SRBD1: variants seen among roughly 807,000 people sequenced by gnomAD.
SRBD1 encodes S1 RNA binding domain 1.
A neutral mutation model predicts 115.3 loss-of-function variants in SRBD1; 88 were observed. The ratio of observed to expected loss-of-function variants is 0.76; its 90% CI spans 0.64 to 0.91. SRBD1 has a LOEUF of 0.91. Ranked by LOEUF, SRBD1 falls within the 40% of genes least tolerant of loss-of-function variation. SRBD1 has a pLI of 0.00. For synonymous variants in SRBD1, 509 were observed against 407.7 expected (o/e 1.25, Z -2.99); for missense variants, 1,385 against 1,177.4 (o/e 1.18, Z -2.58).
At chr2:45,450,787 T>C (rs1423176958) in intron 16 of SRBD1, among the ~76,000 whole-genome samples, 3 of 152,128 alleles carry the variant, frequency 2.0e-5, no homozygotes, top group Non-Finnish European at 4.4e-5. Context: ...CAGGGTTCTA[T>C]TTAGTTTGGA....
In SRBD1 at chr2:45,601,930, T is replaced by C; in HGVS notation, c.234A>G (p.Ser78=). The change falls in exon 3 of 21, where the codon TCA becomes TCG. Residue 78 remains serine, a synonymous_variant. Transcript: ENST00000263736. ...GCTCCTCCTTAACAACAACGACTTC[T>C]GAGCCATCACTGATCTGTGGGGCAT... ...KKNAPQISDG[S]EVVVVKEELN... 1.9e-6 allele frequency: 3 copies of C among 1,614,194 alleles called. No homozygotes were observed. Among genetic ancestry groups the C allele is most frequent in the Non-Finnish European group, 2.5e-6 (3 of 1,180,020 alleles).
intron 14 of SRBD1, among the ~76,000 whole-genome samples, chr2:45,529,215 T>C (rs1251040379): frequency 1.3e-5 from 2 of 151,864 alleles, no homozygotes; most frequent in Non-Finnish European, 2.9e-5. Context: ...TGGAGACAAA[T>C]ATCCCCCAAG....
chr2:45,392,036 C>A (rs945806435), intron 20 of SRBD1, among the ~76,000 whole-genome samples: 1 of 152,080 alleles, frequency 6.6e-6, no homozygotes, highest in Non-Finnish European at 1.5e-5. Context: ...CTGAAACATC[C>A]ACATTGTGTG....
intron 14 of SRBD1, among the ~76,000 whole-genome samples, chr2:45,526,222 T>A (rs1032978934): frequency 6.6e-6 from 1 of 152,022 alleles, no homozygotes; most frequent in African/African-American, 2.4e-5. Flanking sequence ...GACTAATAAA[T>A]GGATAAACAA....
At chr2:45,480,221 GA>G (rs1558423023) in intron 15 of SRBD1, among the ~76,000 whole-genome samples, 1 of 152,112 alleles carries the variant, frequency 6.6e-6, no homozygotes, top group East Asian at 1.9e-4. Flanking sequence ...ATGTATCAAG[GA>G]GTAATTTTGA....
chr2:45,482,519 A>G (rs769740607), intron 15 of SRBD1, among the ~76,000 whole-genome samples: 1 of 152,022 alleles, frequency 6.6e-6, no homozygotes, highest in African/African-American at 2.4e-5. Flanking sequence ...AAGTTAATAA[A>G]TTACAGAGAT....
At chr2:45,548,635 T>C (rs1251750469) in intron 12 of SRBD1, among the ~76,000 whole-genome samples, 1 of 151,266 alleles carries the variant, frequency 6.6e-6, no homozygotes, top group Non-Finnish European at 1.5e-5. Flanking sequence ...AAGTGTGACT[T>C]GACATTTTAA....
At chr2:45,553,591 G>A in intron 11 of SRBD1, 32 bp downstream of exon 11, 2 of 1,412,788 alleles carry the variant, frequency 1.4e-6, no homozygotes, top group Non-Finnish European at 1.9e-6. Flanking sequence ...ACAATAATCA[G>A]TACACAAAAT....
At chr2:45,447,596 G>C (rs1668864488) in intron 16 of SRBD1, 1 of 152,156 alleles carries the variant, frequency 6.6e-6, no homozygotes, top group Admixed American at 6.5e-5. Context: ...CCTCTAATCA[G>C]AATCTCCCAA....
At position 45,571,517 on chromosome 2, in the gene SRBD1, C is replaced by CAAAAAAAAAAA. The variant is rs58100763; in HGVS notation, c.1305+1679_1305+1689dup. Among the ~76,000 whole-genome samples, 259 of 39,396 alleles carry CAAAAAAAAAAA rather than the reference C, an allele frequency of 6.6e-3. 20 individuals carry two copies. Among genetic ancestry groups the CAAAAAAAAAAA allele is most frequent in the Non-Finnish European group, 9.0e-3 (183 of 20,442 alleles). 25.8% of individuals were successfully genotyped at this position (39,396 alleles called of 152,430 possible). A position where few individuals can be genotyped will look rare whatever the true frequency, so the allele number is the denominator to read the frequency against. ...AAAATACAACATATCCAGACTTTAC[C>CAAAAAAAAAAA]AAAAAAAAAAAAAAAAAAAAAAAAA... On this transcript the variant is annotated intron_variant, in intron 9 of 20. Transcript: ENST00000263736.
chr2:45,608,095 C>T (rs1409747927), intron 1 of SRBD1, among the ~76,000 whole-genome samples: 1 of 152,194 alleles, frequency 6.6e-6, no homozygotes, highest in African/African-American at 2.4e-5. Context: ...TATCTCCACA[C>T]TTCAGCCTTA....
chr2:45,399,653 G>T (rs1477889084), intron 19 of SRBD1, among the ~76,000 whole-genome samples: 1 of 152,070 alleles, frequency 6.6e-6, no homozygotes, highest in East Asian at 1.9e-4. Context: ...GACAGATTTA[G>T]ATCTCTGATA....
At chr2:45,585,578 A>C in intron 5 of SRBD1, 30 bp downstream of exon 5, 1 of 1,596,074 alleles carries the variant, frequency 6.3e-7, no homozygotes, top group Non-Finnish European at 8.5e-7. Flanking sequence ...TTCCCCTTAC[A>C]CTAGGCTTAT....
At chr2:45,555,953 C>G (rs1672462378) in intron 10 of SRBD1, among the ~76,000 whole-genome samples, 1 of 152,152 alleles carries the variant, frequency 6.6e-6, no homozygotes, top group African/African-American at 2.4e-5. Flanking sequence ...AAACCATTAA[C>G]AAAATATTAA....
chr2:45,608,255 G>A (rs1674334825), intron 1 of SRBD1, among the ~76,000 whole-genome samples: 2 of 152,170 alleles, frequency 1.3e-5, no homozygotes, highest in African/African-American at 4.8e-5. Flanking sequence ...ATGGAAAGAT[G>A]AGTGAGTTGT....
In SRBD1 at chr2:45,579,899, A is replaced by G; in HGVS notation, c.1048T>C (p.Ser350Pro). 2 of 1,607,430 alleles carry G rather than the reference A, an allele frequency of 1.2e-6. No individual in the cohort carries two copies. The highest frequency in any genetic ancestry group is 1.7e-5 in the Admixed American group (1 of 58,514). The stretch of plus-strand genomic sequence containing the variant: ...CCTTTAACGTCAGGCCTAATGTACG[A>G]TAGCAGACTGAGCTCCCCTGGTTTC... The part of the protein sequence containing the change: ...LEKPGELSLL[S>P]YIRPDVKGLS... The change falls in exon 7 of 21, where the codon TCG (serine) becomes CCG (proline). Residue 350 changes from serine (S) to proline (P), a missense_variant. Transcript: ENST00000263736.
intron 14 of SRBD1, among the ~76,000 whole-genome samples, chr2:45,489,643 T>TTATA (rs1413450443): frequency 9.9e-5 from 15 of 152,142 alleles, no homozygotes; most frequent in African/African-American, 3.6e-4. Context: ...TGAGTGCATA[T>TTATA]TATACACAAA....
intron 1 of SRBD1, among the ~76,000 whole-genome samples, chr2:45,606,190 G>A (rs1162662762): frequency 6.5e-5 from 8 of 123,750 alleles, no homozygotes; most frequent in South Asian, 2.4e-4. Flanking sequence ...ACAGAGTTTC[G>A]CTCTTGCTGT....
intron 11 of SRBD1, among the ~76,000 whole-genome samples, chr2:45,552,035 A>C (rs903969659): frequency 1.3e-5 from 2 of 152,218 alleles, no homozygotes; most frequent in African/African-American, 2.4e-5. Flanking sequence ...AGTTATAATA[A>C]AAGATGGCAA....
Sources: gnomAD v4.1 joint callset for allele counts (sites outside exome capture counted in the v4.1 genomes callset) on GRCh38, gnomAD v4.1.1 for gene constraint, MANE v1.5 for transcripts, NCBI Gene and HGNC (gene_info 2026-07-23, HGNC 2026-07-21) for gene names.